AUTS2: variants seen among roughly 807,000 people sequenced by gnomAD.
AUTS2 encodes the protein autism susceptibility gene 2 protein.
In AUTS2, 17 loss-of-function variants were observed where a neutral mutation model predicts 112.4. The observed-to-expected ratio is 0.15, with a 90% CI of 0.10 to 0.23. The LOEUF (loss-of-function observed/expected upper bound fraction) is 0.23. Among genes scored for constraint, AUTS2 ranks in the 10% least tolerant of loss-of-function variants. The pLI is 1.00. For missense variants in AUTS2, 1,510 were observed against 1,701.6 expected, an observed-to-expected ratio of 0.89 and a Z score of 1.98; for synonymous variants, 751 against 702.7, an observed-to-expected ratio of 1.07 and a Z score of -1.09.
At chr7:70,252,936 T>C (rs943549208) in intron 4 of AUTS2, among the ~76,000 whole-genome samples, 1 of 152,210 alleles carries the variant, frequency 6.6e-6, no homozygotes, top group Non-Finnish European at 1.5e-5. Flanking sequence ...TCCTGTTTCA[T>C]TGGTAATTTG....
At chr7:70,240,896 A>G (rs1157157032) in intron 4 of AUTS2, among the ~76,000 whole-genome samples, 2 of 152,240 alleles carry the variant, frequency 1.3e-5, no homozygotes, top group African/African-American at 4.8e-5. Flanking sequence ...TATGCTTAGA[A>G]GAAAGCAACT....
intron 15 of AUTS2, chr7:70,783,034 A>T (rs973952372): frequency 1.3e-5 from 2 of 152,104 alleles, no homozygotes; most frequent in Non-Finnish European, 2.9e-5. Context: ...GAAAGAATAG[A>T]TTTCTCTCTG....
intron 1 of AUTS2, among the ~76,000 whole-genome samples, chr7:69,678,856 G>T (rs1053937910): frequency 2.0e-5 from 3 of 152,156 alleles, no homozygotes; most frequent in African/African-American, 4.8e-5. Context: ...TTTCAGACAG[G>T]GACATGGCTT....
intron 5 of AUTS2, among the ~76,000 whole-genome samples, chr7:70,554,393 C>CTTTTTTTTTTT (rs34757734): frequency 8.6e-6 from 1 of 116,056 alleles, no homozygotes; most frequent in African/African-American, 3.4e-5. Flanking sequence ...TCTTTTCTTT[C>CTTTTTTTTTTT]TTTTTTTTTT....
At chr7:70,479,668 T>A (rs1276751144) in intron 5 of AUTS2, among the ~76,000 whole-genome samples, 1 of 152,106 alleles carries the variant, frequency 6.6e-6, no homozygotes, top group African/African-American at 2.4e-5. Context: ...AGACTAGAGA[T>A]TTGGTCGAGG....
At chr7:70,212,018 C>G (rs1277428971) in intron 4 of AUTS2, among the ~76,000 whole-genome samples, 1 of 152,126 alleles carries the variant, frequency 6.6e-6, no homozygotes, top group East Asian at 1.9e-4. Context: ...ATACAGAGAA[C>G]AAATTGAGTA....
chr7:70,303,434 GCACATACACACACACACACACA>G (rs1444779279), intron 4 of AUTS2, among the ~76,000 whole-genome samples: 222 of 142,052 alleles, frequency 1.6e-3, no homozygotes, highest in Non-Finnish European at 2.6e-3. Flanking sequence ...GCGCGCGCGC[GCACATACACACACACACACACA>G]CACACACACA....
intron 2 of AUTS2, among the ~76,000 whole-genome samples, chr7:70,002,621 A>G (rs1799248859): frequency 6.6e-6 from 1 of 152,148 alleles, no homozygotes; most frequent in Non-Finnish European, 1.5e-5. Flanking sequence ...GAAAATAGAG[A>G]ATTGATAGAG....
chr7:70,294,625 G>A (rs898656550), intron 4 of AUTS2, among the ~76,000 whole-genome samples: 3 of 152,162 alleles, frequency 2.0e-5, no homozygotes, highest in Non-Finnish European at 2.9e-5. Flanking sequence ...TAGCATGATC[G>A]TTTTTCCTTT....
chr7:69,997,912 G>C (rs1252045981), intron 2 of AUTS2, among the ~76,000 whole-genome samples: 1 of 152,194 alleles, frequency 6.6e-6, no homozygotes, highest in Non-Finnish European at 1.5e-5. Flanking sequence ...GAATCAGGTT[G>C]AAACTCGGGG....
At chr7:69,826,587 G>A (rs57241243) in intron 1 of AUTS2, among the ~76,000 whole-genome samples, 1,559 of 152,300 alleles carry the variant, frequency 0.01, 39 homozygotes, top group African/African-American at 0.035. Context: ...ATTTGCCTCT[G>A]TAGAGCACAG....
chr7:69,834,174 G>T (rs1791621482), intron 1 of AUTS2, among the ~76,000 whole-genome samples: 1 of 152,162 alleles, frequency 6.6e-6, no homozygotes, highest in Non-Finnish European at 1.5e-5. Context: ...AGGCTGGCTA[G>T]CGTCATCACA....
chr7:70,224,332 T>A (rs1811642799), intron 4 of AUTS2, among the ~76,000 whole-genome samples: 2 of 6,548 alleles, frequency 3.1e-4, no homozygotes, highest in African/African-American at 7.9e-4. Context: ...TACAGTACAG[T>A]ACAATACAAT....
chr7:69,969,019 A>C (rs1043943703), intron 2 of AUTS2, among the ~76,000 whole-genome samples: 1 of 152,130 alleles, frequency 6.6e-6, no homozygotes, highest in Admixed American at 6.5e-5. Context: ...TTATCTATTC[A>C]TGCACAGGAT....
chr7:70,219,319 A>G (rs180984541), intron 4 of AUTS2, among the ~76,000 whole-genome samples: 1 of 152,342 alleles, frequency 6.6e-6, no homozygotes, highest in Non-Finnish European at 1.5e-5. Flanking sequence ...TTTAATTGCT[A>G]GTAAACTAAT....
intron 1 of AUTS2, among the ~76,000 whole-genome samples, chr7:69,731,912 T>C (rs1786812036): frequency 6.6e-6 from 1 of 152,202 alleles, no homozygotes; most frequent in African/African-American, 2.4e-5. Flanking sequence ...TCCTCATCTG[T>C]AAAATGGGTA....
intron 4 of AUTS2, among the ~76,000 whole-genome samples, chr7:70,426,159 A>T (rs2130757386): frequency 6.6e-6 from 1 of 152,224 alleles, no homozygotes; most frequent in African/African-American, 2.4e-5. Flanking sequence ...TCTTTTCAAG[A>T]GCTGTTGGCA....
intron 1 of AUTS2, among the ~76,000 whole-genome samples, chr7:69,693,625 T>C (rs573722368): frequency 6.6e-6 from 1 of 152,298 alleles, no homozygotes; most frequent in Admixed American, 6.5e-5. Context: ...ATAGAACTGG[T>C]AGTATTGGAG....
intron 1 of AUTS2, among the ~76,000 whole-genome samples, chr7:69,874,715 G>A (rs558416468): frequency 9.7e-4 from 148 of 152,192 alleles, no homozygotes; most frequent in African/African-American, 3.4e-3. Flanking sequence ...CTGGAGTGCA[G>A]TGACGCGATC....
Sources: gnomAD v4.1 joint callset for allele counts (sites outside exome capture counted in the v4.1 genomes callset) on GRCh38, gnomAD v4.1.1 for gene constraint, MANE v1.5 for transcripts, NCBI Gene and HGNC (gene_info 2026-07-23, HGNC 2026-07-21) for gene names.